Variants in ITGA3 observed in about 807,000 individuals in gnomAD.
The protein encoded by ITGA3 is integrin alpha-3.
Under a neutral mutation model 131.1 loss-of-function variants are expected in ITGA3, and 70 were observed. That is an observed-to-expected ratio of 0.53 (90% confidence interval 0.44 to 0.65). The LOEUF is 0.65. Ranked by LOEUF, ITGA3 falls within the 30% of genes least tolerant of loss-of-function variation. ITGA3 has a pLI of 0.00. For missense variants in ITGA3, 1,098 were observed against 1,388.6 expected, an observed-to-expected ratio of 0.79 and a Z score of 3.33; for synonymous variants, 537 against 571.6, an observed-to-expected ratio of 0.94 and a Z score of 0.86.
chr17:50,078,503 C>T (rs1416291138), intron 18 of ITGA3, among the ~76,000 whole-genome samples: 6 of 152,042 alleles, frequency 3.9e-5, no homozygotes, highest in African/African-American at 1.5e-4. Context: ...AATCAGCAAC[C>T]CCGGGGCTAA....
chr17:50,056,619 G>A lies in ITGA3; in HGVS notation c.180G>A (p.Arg60=). ...SLFGYSVALH[R]QTERQQRYLL... ...TCGGCTACTCGGTCGCCCTCCATCG[G>A]CAGACAGAGCGGCAGCAGCGCTACC... Residue 60 remains arginine (R), a synonymous_variant, in exon 1 of 26, where the codon CGG becomes CGA. Coordinates refer to ENST00000320031, the MANE Select transcript of ITGA3 (RefSeq NM_002204.4). The surrounding 1 kb of genome is among the most constrained non-coding windows in gnomAD (Gnocchi z 5.6). The A allele has an allele frequency of 1.2e-6, 2 of 1,602,934 alleles. No individual in the cohort carries two copies. The highest frequency in any genetic ancestry group is 1.7e-6 in the Non-Finnish European group (2 of 1,175,662).
Position 50,064,156 on chromosome 17 carries a change from C to G in ITGA3, c.286C>G (p.Leu96Val), listed in dbSNP as rs1827420291. 1.9e-6 allele frequency: 3 copies of G among 1,611,630 alleles called. No individual in the cohort carries two copies. Among genetic ancestry groups the G allele is most frequent in the Admixed American group, 3.3e-5 (2 of 59,764 alleles). The change falls in exon 2 of 26, where the codon CTC (leucine) becomes GTC (valine). Residue 96 changes from leucine (L) to valine (V), a missense_variant. Around this residue, in one of 3 missense-constraint regions of ITGA3, gnomAD observed 356 missense variants for 529.2 expected, o/e 0.67. Coordinates refer to ENST00000320031, the MANE Select transcript of ITGA3 (RefSeq NM_002204.4). This position sits in a 1 kb window ranked among gnomAD's most constrained non-coding sequence, Gnocchi z 4.4. Reference sequence around the variant, plus strand: ...GACTGGTGCTGTGTACCTGTGCCCACTCACTGCCCACAAGGATGACTGTGA... The same window carrying G: ...GACTGGTGCTGTGTACCTGTGCCCAGTCACTGCCCACAAGGATGACTGTGA... ...NRTGAVYLCP[L>V]TAHKDDCERM...
chr17:50,090,100 T>C lies in ITGA3; in HGVS notation c.*1022T>C, dbSNP rs1325261028. On this transcript the variant is annotated 3_prime_UTR_variant, in exon 26 of 26. Transcript: ENST00000320031. ...TCTCACTCACCACTACCAGCCAGCC[T>C]CAGAAGGCCCCAGAGAGACCCTGCA... is the stretch of plus-strand genomic sequence containing the variant. The C allele has an allele frequency of 1.1e-5, 4 of 355,140 alleles. No homozygotes were observed. The highest frequency in any genetic ancestry group is 2.1e-5 in the African/African-American group (1 of 46,756). 22.0% of individuals were successfully genotyped at this position (355,140 alleles called of 1,614,324 possible).
At position 50,072,163 on chromosome 17, in the gene ITGA3, C is replaced by T. The variant is rs1429242260; in HGVS notation, c.1137C>T (p.Ile379=). The change falls in exon 7 of 26, where the codon ATC becomes ATT. Residue 379 remains isoleucine (I), a synonymous_variant. Transcript: ENST00000320031. ...FGLSVASIGD[I]NQDGFQDIAV... The stretch of plus-strand genomic sequence containing the variant: ...TATCTGTGGCCAGCATTGGTGACAT[C>T]AACCAGGATGGATTTCAGGGTATGA... 2.5e-6 allele frequency: 4 copies of T among 1,613,536 alleles called. No individual in the cohort carries two copies. In the East Asian group the frequency reaches 6.7e-5, roughly 27 times the overall value.
In ITGA3 at chr17:50,064,645, C is replaced by T. The variant is rs77750822; in HGVS notation, c.414+38C>T. 4,496 of 1,543,918 alleles carry T rather than the reference C, an allele frequency of 2.9e-3. 84 individuals carry two copies. In the African/African-American group the frequency reaches 0.05, roughly 17 times the overall value. On this transcript the variant is annotated intron_variant, in intron 3 of 25. Coordinates refer to ENST00000320031, the MANE Select transcript of ITGA3 (RefSeq NM_002204.4). The surrounding 1 kb of genome is among the most constrained non-coding windows in gnomAD (Gnocchi z 4.4). ...TCAGTGTTGGCTCCTCCACCTCTAC[C>T]CGGCTCTCCCCTCATCTCCAGAGCT...
chr17:50,070,416 C>A (rs1289538719), intron 4 of ITGA3, among the ~76,000 whole-genome samples: 1 of 152,056 alleles, frequency 6.6e-6, no homozygotes, highest in African/African-American at 2.4e-5. Flanking sequence ...GAGGCCAAGG[C>A]AGATGGATCA....
chr17:50,081,260 C>T, intron 22 of ITGA3, 50 bp from the exon 23 acceptor site: 2 of 1,222,694 alleles, frequency 1.6e-6, no homozygotes, highest in Non-Finnish European at 1.2e-6. Context: ...CGGAGGTAGG[C>T]TCAGAGAAGT....
Position 50,074,546 on chromosome 17 carries a change from C to T in ITGA3, c.1469+12C>T, listed in dbSNP as rs1368412704. 5.1e-6 allele frequency: 8 copies of T among 1,577,898 alleles called. No homozygotes were observed. The highest frequency in any genetic ancestry group is 6.1e-6 in the Non-Finnish European group (7 of 1,147,318). ...ACGGCCACCTCTTGGTGAGATTGTT[C>T]TGCCCACCTACTCCTCATTTATTTA... On this transcript the variant is annotated intron_variant, in intron 10 of 25. Coordinates refer to ENST00000320031, the MANE Select transcript of ITGA3 (RefSeq NM_002204.4).
At chr17:50,088,033 C>T (rs986080120) in intron 24 of ITGA3, among the ~76,000 whole-genome samples, 164 bp downstream of exon 24, 2 of 152,232 alleles carry the variant, frequency 1.3e-5, no homozygotes, top group Non-Finnish European at 1.5e-5. Context: ...TCACCCCTGG[C>T]CTGGGTTAGT....
At chr17:50,079,584 G>T in intron 21 of ITGA3, 27 bp downstream of exon 21, 1 of 1,499,166 alleles carries the variant, frequency 6.7e-7, no homozygotes. Flanking sequence ...AGGTTGGAGG[G>T]GATTGCATCC....
intron 5 of ITGA3, 77 bp from the exon 6 acceptor site, chr17:50,071,234 G>A: frequency 4.7e-6 from 6 of 1,282,264 alleles, no homozygotes; most frequent in Non-Finnish European, 5.5e-6. Context: ...GCAAGAGAGG[G>A]AATAGGGAGA....
chr17:50,073,628 ACACACG>A lies in ITGA3; in HGVS notation c.1157-282_1157-277del, dbSNP rs796676800. Among the ~76,000 whole-genome samples, 1,086 of 133,996 alleles carry A rather than the reference ACACACG, an allele frequency of 8.1e-3. 4 individuals are homozygous for A. Among genetic ancestry groups the A allele is most frequent in the South Asian group, 0.039 (168 of 4,354 alleles). The allele number at this position is 133,996 out of a possible 152,430, so 87.9% of individuals were successfully genotyped here. ...CACACACACACACACACACACACAC[ACACACG>A]CACACACGCACACACACTGAATGCT... On this transcript the variant is annotated intron_variant, in intron 7 of 25. Transcript: ENST00000320031.
At chr17:50,062,843 G>C (rs115616380) in intron 1 of ITGA3, among the ~76,000 whole-genome samples, 1,651 of 152,350 alleles carry the variant, frequency 0.011, 37 homozygotes, top group African/African-American at 0.037. Context: ...GGGGCCAAAT[G>C]GTGGGGCACC....
chr17:50,068,015 C>T (rs755144136), intron 3 of ITGA3, 41 bp from the exon 4 acceptor site: 1 of 1,610,860 alleles, frequency 6.2e-7, no homozygotes, highest in Non-Finnish European at 8.5e-7. Context: ...ACCCGGGTCC[C>T]TGTGCCTGAC....
chr17:50,088,055 C>T lies in ITGA3; in HGVS notation c.3046-170C>T, dbSNP rs2269770. Among the ~76,000 whole-genome samples, 13,412 of 152,096 alleles carry T rather than the reference C, an allele frequency of 0.088. 997 individuals are homozygous for T. Among genetic ancestry groups the T allele is most frequent in the East Asian group, 0.32 (1,658 of 5,132 alleles). On this transcript the variant is annotated intron_variant, in intron 24 of 25. Transcript: ENST00000320031. The stretch of plus-strand genomic sequence containing the variant: ...TGGCCTGGGTTAGTGGGGGGAGCTG[C>T]AAGCTGGAAAGGGGGACCCAGGAGC...
At chr17:50,077,357 C>G in intron 15 of ITGA3, 22 bp from the exon 16 acceptor site, 1 of 1,610,638 alleles carries the variant, frequency 6.2e-7, no homozygotes, top group South Asian at 1.1e-5. Flanking sequence ...CGACCCTGAC[C>G]TTATTCGCCT....
chr17:50,065,195 C>T (rs1435621239), intron 3 of ITGA3: 1 of 152,322 alleles, frequency 6.6e-6, no homozygotes. Context: ...TATTGCTTCA[C>T]ACACAGAAGA....
chr17:50,085,938 T>G (rs1909384265), intron 23 of ITGA3, among the ~76,000 whole-genome samples: 1 of 103,778 alleles, frequency 9.6e-6, no homozygotes, highest in African/African-American at 3.5e-5. Flanking sequence ...ATTATACATA[T>G]TATAGATTTA....
At chr17:50,080,109 T>C (rs1017316185) in intron 21 of ITGA3, among the ~76,000 whole-genome samples, 153 bp from the exon 22 acceptor site, 1 of 151,812 alleles carries the variant, frequency 6.6e-6, no homozygotes, top group Non-Finnish European at 1.5e-5. Flanking sequence ...AGCTGTGAGG[T>C]TGGGGGACGT....
Sources: gnomAD v4.1 joint callset for allele counts (sites outside exome capture counted in the v4.1 genomes callset) on GRCh38, gnomAD v4.1.1 for gene constraint, gnomAD v4.1.1 regional missense constraint, Gnocchi (gnomAD v3.1) non-coding constraint, MANE v1.5 for transcripts, NCBI Gene and HGNC (gene_info 2026-07-23, HGNC 2026-07-21) for gene names.